Variants in TUT7 observed in about 807,000 individuals in gnomAD.
The protein encoded by TUT7 is terminal uridylyl transferase 7, also known as terminal uridylyltransferase 7.
In TUT7, 33 loss-of-function variants were observed where a neutral mutation model predicts 165.9. The observed-to-expected ratio is 0.20, with a 90% CI of 0.15 to 0.27. TUT7 has a LOEUF of 0.27. TUT7 is among the 10% of genes least tolerant of loss of function. The probability of loss-of-function intolerance (pLI) is 1.00; values close to 1 mark genes in which losing one functional copy is unlikely to be tolerated. For missense variants in TUT7, 1,338 were observed against 1,762.3 expected (o/e 0.76, Z 4.31); for synonymous variants, 552 against 608.1 (o/e 0.91, Z 1.36).
At chr9:86,340,730 T>C (rs925642468) in intron 7 of TUT7, among the ~76,000 whole-genome samples, 1 of 152,228 alleles carries the variant, frequency 6.6e-6, no homozygotes, top group Admixed American at 6.5e-5. Context: ...ACATTTTACA[T>C]ATTTTGCATT....
rs751009735 is a variant in TUT7 at position 86,345,686 on chromosome 9, G to A, written c.802C>T (p.His268Tyr). The A allele has an allele frequency of 6.2e-7, 1 of 1,611,036 alleles. No homozygotes were observed. The highest frequency in any genetic ancestry group is 1.7e-5 in the Admixed American group (1 of 59,854). The change falls in exon 4 of 27, where the codon CAC (histidine) becomes TAC (tyrosine). Residue 268 changes from histidine to tyrosine, a missense_variant. His to Tyr is a moderately conservative substitution (Grantham distance 83, BLOSUM62 2). Around this residue, in one of 7 missense-constraint regions of TUT7, gnomAD observed 434 missense variants for 480.8 expected, o/e 0.90. Coordinates refer to ENST00000375963, the MANE Select transcript of TUT7 (RefSeq NM_024617.4). The stretch of plus-strand genomic sequence containing the variant: ...CAATTTACCTTAATGTTTTTCTTGT[G>A]CCTCTTTTCCTTGATATGCTTATGG... ...FAHKHIKEKR[H>Y]KKNIKEKQEE...
chr9:86,292,460 C>T (rs1564018253), intron 26 of TUT7, among the ~76,000 whole-genome samples: 1 of 146,832 alleles, frequency 6.8e-6, no homozygotes, highest in Non-Finnish European at 1.5e-5. Flanking sequence ...CAGAGGGAGA[C>T]TTTGTCTCAA....
Position 86,322,405 on chromosome 9 carries a change from T to C in TUT7, c.2948A>G (p.Lys983Arg). ...HLKKDCPEDFKRIQLEPLPPL... is the reference protein window; with the variant it reads ...HLKKDCPEDFRRIQLEPLPPL... ...TGGCAGAGGTTCTAGCTGGATTCTT[T>C]TGAAGTCTTCAGGACAGTCCTTCTT... The change falls in exon 14 of 27, where the codon AAA becomes AGA. Residue 983 changes from lysine (K) to arginine (R), a missense_variant. Physicochemically the swap from Lys to Arg is conservative, Grantham distance 26 (BLOSUM62 2). Transcript: ENST00000375963. 1 of 1,614,172 alleles carries C rather than the reference T, an allele frequency of 6.2e-7. No homozygotes were observed. The highest frequency in any genetic ancestry group is 2.2e-5 in the East Asian group (1 of 44,868).
chr9:86,343,213 A>G (rs756517694), intron 5 of TUT7, 50 bp from the exon 6 acceptor site: 13 of 1,189,980 alleles, frequency 1.1e-5, no homozygotes, highest in Non-Finnish European at 1.5e-5. Flanking sequence ...AGAATTTCTC[A>G]AAAGTTATAA....
chr9:86,350,150 C>T (rs1832144937), intron 2 of TUT7, among the ~76,000 whole-genome samples: 1 of 152,044 alleles, frequency 6.6e-6, no homozygotes, highest in East Asian at 1.9e-4. Context: ...GGCCAACATG[C>T]TAAAACCCCA....
chr9:86,308,018 A>G (rs1827680509), intron 22 of TUT7, among the ~76,000 whole-genome samples: 1 of 152,164 alleles, frequency 6.6e-6, no homozygotes, highest in Admixed American at 6.6e-5. Flanking sequence ...TAGAAAAAGA[A>G]AAGGCTTCCA....
At chr9:86,310,859 A>G (rs11792804) in intron 17 of TUT7, 50 bp from the exon 18 acceptor site, 160,986 of 1,058,174 alleles carry the variant, frequency 0.15, 13,620 homozygotes, top group Middle Eastern at 0.27. Flanking sequence ...CTGGGGATAT[A>G]AGTAACTCTT....
In TUT7 at chr9:86,328,329, A is replaced by G; in HGVS notation, c.1608+11T>C. On this transcript the variant is annotated intron_variant, in intron 11 of 26. Coordinates refer to ENST00000375963, the MANE Select transcript of TUT7 (RefSeq NM_024617.4). ...AGTGAAACTGACAACTAGAAACAAAAGAGAACAGACCTGTCCCCTTTTAAT... is the reference window on the plus strand; with the variant it reads ...AGTGAAACTGACAACTAGAAACAAAGGAGAACAGACCTGTCCCCTTTTAAT... 2 of 1,562,546 alleles carry G rather than the reference A, an allele frequency of 1.3e-6. No individual in the cohort carries two copies. The highest frequency in any genetic ancestry group is 1.7e-6 in the Non-Finnish European group (2 of 1,158,178).
Position 86,315,107 on chromosome 9 carries a change from AC to A in TUT7, c.3274+2111del, listed in dbSNP as rs143208598. ...AGATATGGAAGCTTTCACAAAAAAA[AC>A]ATACAGATTTTTTTACTTTTCCACC... On this transcript the variant is annotated intron_variant, in intron 17 of 26. Transcript: ENST00000375963. Among the ~76,000 whole-genome samples the A allele has an allele frequency of 2.5e-3, 378 of 152,332 alleles. 11 individuals are homozygous for A. The South Asian group carries it at 0.026, about 11-fold the overall frequency.
At chr9:86,339,019 C>G in intron 8 of TUT7, 70 bp from the exon 9 acceptor site, 1 of 1,352,686 alleles carries the variant, frequency 7.4e-7, no homozygotes. Context: ...CTCAAAGTGT[C>G]TTTTATGCCA....
At position 86,311,747 on chromosome 9, in the gene TUT7, G is replaced by A. The variant is rs1828094305; in HGVS notation, c.3275-938C>T. The stretch of plus-strand genomic sequence containing the variant: ...TGATTCTCCTGCCTCAGCCTGCCGA[G>A]TGCCTGCGATTGCAGGTGCGCGCCG... On this transcript the variant is annotated intron_variant, in intron 17 of 26. Transcript: ENST00000375963. The surrounding 1 kb of genome is among the most constrained non-coding windows in gnomAD (Gnocchi z 4.4). Among the ~76,000 whole-genome samples, 2 of 152,046 alleles carry A rather than the reference G, an allele frequency of 1.3e-5. No individual in the cohort carries two copies. The highest frequency in any genetic ancestry group is 2.4e-5 in the African/African-American group (1 of 41,382).
intron 26 of TUT7, among the ~76,000 whole-genome samples, chr9:86,290,596 CT>C (rs1254639165): frequency 2.0e-5 from 3 of 150,952 alleles, no homozygotes; most frequent in African/African-American, 7.3e-5. Context: ...AATCCTAGCA[CT>C]TTGGGAGGCC....
chr9:86,318,679 G>A (rs1219682011), intron 16 of TUT7, among the ~76,000 whole-genome samples: 2 of 152,194 alleles, frequency 1.3e-5, no homozygotes, highest in African/African-American at 4.8e-5. Context: ...TAGTAGCCAA[G>A]CCAATGGGAC....
intron 13 of TUT7, among the ~76,000 whole-genome samples, 167 bp downstream of exon 13, chr9:86,322,706 C>T (rs1436792294): frequency 6.6e-6 from 1 of 152,170 alleles, no homozygotes; most frequent in East Asian, 1.9e-4. Context: ...TGCTAATTCC[C>T]ATGAGTCTTA....
intron 17 of TUT7, among the ~76,000 whole-genome samples, chr9:86,312,165 A>G: frequency 6.9e-6 from 1 of 144,858 alleles, no homozygotes; most frequent in Non-Finnish European, 1.5e-5. Context: ...CATCCCATCT[A>G]GGAAGTGAGG....
At chr9:86,341,326 A>G (rs896487853) in intron 6 of TUT7, among the ~76,000 whole-genome samples, 5 of 152,206 alleles carry the variant, frequency 3.3e-5, no homozygotes, top group Non-Finnish European at 5.9e-5. Flanking sequence ...AGCAAGTCTC[A>G]AAGTGGTAGC....
rs745478644 is a variant in TUT7 at position 86,352,716 on chromosome 9, G to T, written c.484C>A (p.Leu162Ile). ...GCTTCCATTTCTGACGTGGTTTCTA[G>T]GCTTGTTAGGTCTTTATGAAACAGT... Reference protein sequence around the residue: ...RRLFHKDLTSLETTSEMEAGS... With the variant: ...RRLFHKDLTSIETTSEMEAGS... The change falls in exon 2 of 27, where the codon CTA becomes ATA. Residue 162 changes from leucine (L) to isoleucine (I), a missense_variant. Physicochemically the swap from Leu to Ile is conservative, Grantham distance 5. This residue lies in a region of TUT7 where 434 missense variants were observed against 480.8 expected (regional missense o/e 0.90). Coordinates refer to ENST00000375963, the MANE Select transcript of TUT7 (RefSeq NM_024617.4). The T allele has an allele frequency of 6.2e-7, 1 of 1,614,068 alleles. No individual in the cohort carries two copies. The highest frequency in any genetic ancestry group is 8.5e-7 in the Non-Finnish European group (1 of 1,180,036).
intron 26 of TUT7, among the ~76,000 whole-genome samples, chr9:86,290,639 C>T (rs927585857): frequency 1.4e-5 from 2 of 144,098 alleles, no homozygotes; most frequent in Non-Finnish European, 3.0e-5. Context: ...CTCAGGAGTT[C>T]GAGACCAGCC....
Position 86,322,314 on chromosome 9 carries a change from G to C in TUT7, c.3028+11C>G. The C allele has an allele frequency of 6.2e-7, 1 of 1,604,780 alleles. No homozygotes were observed. Among genetic ancestry groups the C allele is most frequent in the South Asian group, 1.1e-5 (1 of 89,244 alleles). Reference sequence around the variant, plus strand: ...TATTTTGACAAATCAAAAGAAATGTGAATAACTTACTATAACACTGGATAC... The same window carrying C: ...TATTTTGACAAATCAAAAGAAATGTCAATAACTTACTATAACACTGGATAC... On this transcript the variant is annotated intron_variant, in intron 14 of 26. Transcript: ENST00000375963.
Sources: allele counts gnomAD v4.1 joint callset (sites outside exome capture counted in the v4.1 genomes callset), GRCh38; gene constraint gnomAD v4.1.1; regional missense constraint gnomAD v4.1.1; non-coding constraint Gnocchi (gnomAD v3.1); transcripts MANE v1.5; gene names NCBI Gene and HGNC (gene_info 2026-07-23, HGNC 2026-07-21).